CSMD1: variants seen among roughly 807,000 people sequenced by gnomAD.
CSMD1 encodes the protein CUB and sushi domain-containing protein 1.
Under a neutral mutation model 417.5 loss-of-function variants are expected in CSMD1, and 213 were observed. That is an observed-to-expected ratio of 0.51 (90% CI 0.46 to 0.57). CSMD1 has a LOEUF of 0.57. Among genes scored for constraint, CSMD1 ranks in the 20% least tolerant of loss-of-function variants. The probability of loss-of-function intolerance (pLI) is 0.00; values close to 1 mark genes in which losing one functional copy is unlikely to be tolerated. For synonymous variants in CSMD1, 2,862 were observed against 1,736.8 expected (o/e 1.65, Z -16.11); for missense variants, 6,923 against 4,529.7 (o/e 1.53, Z -15.17).
At chr8:4,669,902 A>G (rs1311705331) in intron 1 of CSMD1, among the ~76,000 whole-genome samples, 1 of 152,186 alleles carries the variant, frequency 6.6e-6, no homozygotes, top group Non-Finnish European at 1.5e-5. Context: ...AAAGGTGCAG[A>G]GCCCCAGTGT....
At chr8:4,173,089 A>T (rs567902536) in intron 3 of CSMD1, among the ~76,000 whole-genome samples, 1 of 152,156 alleles carries the variant, frequency 6.6e-6, no homozygotes, top group Non-Finnish European at 1.5e-5. Flanking sequence ...AATTTCAGGG[A>T]AAGGTTGTAT....
intron 1 of CSMD1, among the ~76,000 whole-genome samples, chr8:4,947,115 T>C (rs1585385996): frequency 1.3e-5 from 2 of 152,192 alleles, no homozygotes; most frequent in African/African-American, 4.8e-5. Context: ...TATAACTACT[T>C]GTATCCATCT....
intron 1 of CSMD1, among the ~76,000 whole-genome samples, chr8:4,751,523 G>C (rs976912121): frequency 6.6e-6 from 1 of 152,108 alleles, no homozygotes; most frequent in Non-Finnish European, 1.5e-5. Flanking sequence ...ACTTTCTAAA[G>C]TTATTTTATC....
chr8:4,582,958 G>A (rs11775182), intron 2 of CSMD1, among the ~76,000 whole-genome samples: 6 of 152,218 alleles, frequency 3.9e-5, no homozygotes, highest in African/African-American at 9.6e-5. Flanking sequence ...AGCAATGAGG[G>A]ACATAGCACC....
chr8:4,172,425 C>A (rs985445035), intron 3 of CSMD1, among the ~76,000 whole-genome samples: 6 of 152,056 alleles, frequency 3.9e-5, no homozygotes, highest in Admixed American at 6.6e-5. Context: ...CCGCGTTACA[C>A]AGCATAGTCT....
At chr8:3,116,539 G>C (rs77246652) in intron 42 of CSMD1, among the ~76,000 whole-genome samples, 2 of 152,084 alleles carry the variant, frequency 1.3e-5, no homozygotes, top group South Asian at 4.1e-4. Context: ...AGGGGTTTAG[G>C]CTTTAAATTC....
At chr8:4,608,397 G>A (rs192318114) in intron 2 of CSMD1, among the ~76,000 whole-genome samples, 35 of 152,292 alleles carry the variant, frequency 2.3e-4, no homozygotes, top group Non-Finnish European at 5.0e-4. Flanking sequence ...CTCGACAAAA[G>A]GATGCTTTCT....
chr8:3,599,530 GCAGCATTGTTAACCCCCACA>G (rs1226268133), intron 8 of CSMD1, among the ~76,000 whole-genome samples: 1 of 152,002 alleles, frequency 6.6e-6, no homozygotes, highest in African/African-American at 2.4e-5. Flanking sequence ...TAACCCCAAC[GCAGCATTGTTAACCCCCACA>G]CAGCATTGCT....
At chr8:4,136,663 A>G (rs112884165) in intron 3 of CSMD1, among the ~76,000 whole-genome samples, 6 of 152,208 alleles carry the variant, frequency 3.9e-5, no homozygotes, top group African/African-American at 1.4e-4. Flanking sequence ...TTTTCCTCTT[A>G]TTGTCTCACA....
chr8:3,776,718 G>T (rs1486203819), intron 5 of CSMD1, among the ~76,000 whole-genome samples: 1 of 151,656 alleles, frequency 6.6e-6, no homozygotes, highest in Non-Finnish European at 1.5e-5. Context: ...AGAGATGATA[G>T]ATACATTAGG....
At chr8:3,192,213 C>T (rs1010593518) in intron 33 of CSMD1, among the ~76,000 whole-genome samples, 1 of 152,182 alleles carries the variant, frequency 6.6e-6, no homozygotes, top group Non-Finnish European at 1.5e-5. Context: ...AATGATTTAT[C>T]AGAATCATTC....
intron 1 of CSMD1, among the ~76,000 whole-genome samples, chr8:4,985,577 G>C (rs114026858): frequency 6.6e-6 from 1 of 152,152 alleles, no homozygotes; most frequent in Non-Finnish European, 1.5e-5. Flanking sequence ...GACTAAAAAT[G>C]TGTATATCTT....
intron 23 of CSMD1, among the ~76,000 whole-genome samples, chr8:3,326,271 T>G (rs948984039): frequency 6.6e-6 from 1 of 152,240 alleles, no homozygotes; most frequent in Non-Finnish European, 1.5e-5. Context: ...CACCTCTACC[T>G]CTGATTTGCT....
chr8:4,718,884 G>T (rs777516157), intron 1 of CSMD1, among the ~76,000 whole-genome samples: 1 of 151,870 alleles, frequency 6.6e-6, no homozygotes, highest in African/African-American at 2.4e-5. Context: ...ATGAAAATAC[G>T]TATCTTTGAA....
intron 2 of CSMD1, among the ~76,000 whole-genome samples, chr8:4,552,494 G>T (rs986395238): frequency 3.3e-5 from 5 of 152,068 alleles, no homozygotes; most frequent in Non-Finnish European, 7.4e-5. Context: ...GGAAATTTCT[G>T]CCCAGATATA....
intron 5 of CSMD1, among the ~76,000 whole-genome samples, chr8:3,895,445 A>C (rs1807295727): frequency 6.6e-6 from 1 of 152,142 alleles, no homozygotes; most frequent in South Asian, 2.1e-4. Context: ...TCAATCCACA[A>C]TGTTTAAATC....
intron 23 of CSMD1, among the ~76,000 whole-genome samples, chr8:3,309,997 C>G (rs62504435): frequency 0.083 from 12,580 of 152,202 alleles, 653 homozygotes; most frequent in Non-Finnish European, 0.12. Flanking sequence ...TAACCCTGAT[C>G]TATTTAAGAG....
intron 6 of CSMD1, among the ~76,000 whole-genome samples, chr8:3,728,468 A>G (rs1361744395): frequency 3.9e-5 from 6 of 152,246 alleles, no homozygotes; most frequent in Non-Finnish European, 8.8e-5. Flanking sequence ...TGTTAGGTTT[A>G]TCGTAACAGA....
chr8:3,885,537 G>C (rs371222696), intron 5 of CSMD1, among the ~76,000 whole-genome samples: 4 of 152,082 alleles, frequency 2.6e-5, no homozygotes, highest in African/African-American at 4.8e-5. Context: ...GAATACTAGG[G>C]AAAAAAGAAC....
Sources: gnomAD v4.1 joint callset for allele counts (sites outside exome capture counted in the v4.1 genomes callset) on GRCh38, gnomAD v4.1.1 for gene constraint, MANE v1.5 for transcripts, NCBI Gene and HGNC (gene_info 2026-07-23, HGNC 2026-07-21) for gene names.